Variants in ADORA1 observed in about 807,000 individuals in gnomAD.
ADORA1 encodes the protein adenosine receptor A1.
In ADORA1, 6 loss-of-function variants were observed where a neutral mutation model predicts 19.9. The ratio of observed to expected loss-of-function variants is 0.30; its 90% confidence interval spans 0.17 to 0.59. The LOEUF (loss-of-function observed/expected upper bound fraction) is 0.59. ADORA1 is among the 20% of genes least tolerant of loss of function. ADORA1 has a pLI of 0.87. For synonymous variants in ADORA1, 194 were observed against 188.4 expected, an observed-to-expected ratio of 1.03 and a Z score of -0.24; for missense variants, 302 against 439.2, an observed-to-expected ratio of 0.69 and a Z score of 2.79.
intron 3 of ADORA1, among the ~76,000 whole-genome samples, chr1:203,156,386 G>A (rs923176434): frequency 3.9e-5 from 6 of 152,226 alleles, no homozygotes; most frequent in Admixed American, 2.6e-4. Context: ...CTGAATGAAC[G>A]GAGAATGAAC....
At chr1:203,143,210 G>A (rs569326049) in intron 3 of ADORA1, among the ~76,000 whole-genome samples, 3 of 152,306 alleles carry the variant, frequency 2.0e-5, no homozygotes, top group South Asian at 4.1e-4. Flanking sequence ...CAGTGCTGGG[G>A]TCTGATGAGG....
chr1:203,139,688 C>T (rs1654617810), intron 3 of ADORA1, among the ~76,000 whole-genome samples: 1 of 152,206 alleles, frequency 6.6e-6, no homozygotes, highest in African/African-American at 2.4e-5. Context: ...GACCTTACCA[C>T]GGGCAAGAAG....
chr1:203,141,093 A>G (rs550257099), intron 3 of ADORA1, among the ~76,000 whole-genome samples: 13 of 152,148 alleles, frequency 8.5e-5, no homozygotes, highest in African/African-American at 2.9e-4. Context: ...AACCTGGTCA[A>G]TCAATAAGCA....
At chr1:203,140,604 C>T (rs1056814946) in intron 3 of ADORA1, among the ~76,000 whole-genome samples, 1 of 152,330 alleles carries the variant, frequency 6.6e-6, no homozygotes, top group Admixed American at 6.5e-5. Context: ...TTACCTCACA[C>T]AGCCTCATAG....
intron 3 of ADORA1, chr1:203,150,524 G>A: frequency 9.3e-7 from 1 of 1,079,346 alleles, no homozygotes; most frequent in Non-Finnish European, 1.2e-6. Flanking sequence ...GAAAACTGCT[G>A]GGTCCTGGGG....
Position 203,165,928 on chromosome 1 carries a change from C to A in ADORA1, c.*28C>A, listed in dbSNP as rs763787447. The A allele has an allele frequency of 6.5e-7, 1 of 1,527,452 alleles. No individual in the cohort carries two copies. Among genetic ancestry groups the A allele is most frequent in the East Asian group, 2.3e-5 (1 of 44,050 alleles). 94.6% of individuals were successfully genotyped at this position (1,527,452 alleles called of 1,614,324 possible). A position where few individuals can be genotyped will look rare whatever the true frequency, so the allele number is the denominator to read the frequency against. On this transcript the variant is annotated 3_prime_UTR_variant, in exon 4 of 4. Transcript: ENST00000337894. This position sits in a 1 kb window ranked among gnomAD's most constrained non-coding sequence, Gnocchi z 5.9. ...CCCGCCTTCCGCTCCCACCAGCCCA[C>A]ATCCAGTGGGGTCTCAGTCCAGTCC...
intron 3 of ADORA1, among the ~76,000 whole-genome samples, chr1:203,144,037 C>T (rs993632290): frequency 8.2e-4 from 123 of 149,120 alleles, no homozygotes; most frequent in African/African-American, 2.5e-3. Context: ...CTAGGAGTTA[C>T]GGAAAATGAT....
rs116126717 is a variant in ADORA1, at chr1:203,159,878, G to A, written c.342-5383G>A. On this transcript the variant is annotated intron_variant, in intron 3 of 3. Transcript: ENST00000337894. Reference sequence around the variant, plus strand: ...CTAGGCAGCACATGCATGTGAACAGGTCATTCTGATGGCTCAGAAAGAGCT... The same window carrying A: ...CTAGGCAGCACATGCATGTGAACAGATCATTCTGATGGCTCAGAAAGAGCT... Among the ~76,000 whole-genome samples the A allele has an allele frequency of 7.0e-3, 1,060 of 152,338 alleles. 9 individuals carry two copies. Among genetic ancestry groups the A allele is most frequent in the African/African-American group, 0.024 (1,011 of 41,564 alleles).
At chr1:203,138,514 AGT>A (rs1654580689) in intron 3 of ADORA1, among the ~76,000 whole-genome samples, 1 of 152,210 alleles carries the variant, frequency 6.6e-6, no homozygotes, top group Non-Finnish European at 1.5e-5. Context: ...ACTCAGACCC[AGT>A]GTGGTACCTG....
At chr1:203,132,524 C>A (rs1571780883) in intron 3 of ADORA1, among the ~76,000 whole-genome samples, 1 of 152,202 alleles carries the variant, frequency 6.6e-6, no homozygotes. Flanking sequence ...CTCTCTGAGC[C>A]TTTCCCCTTC....
chr1:203,141,299 G>A (rs1051425069), intron 3 of ADORA1, among the ~76,000 whole-genome samples: 8 of 152,214 alleles, frequency 5.3e-5, no homozygotes, highest in African/African-American at 1.9e-4. Flanking sequence ...CAGTTGGCAG[G>A]GTTGGTGTGG....
chr1:203,142,558 C>T (rs949619992), intron 3 of ADORA1, among the ~76,000 whole-genome samples: 3 of 152,152 alleles, frequency 2.0e-5, no homozygotes, highest in African/African-American at 7.2e-5. Context: ...TAAAACATCC[C>T]TAAGAGTTTA....
intron 3 of ADORA1, among the ~76,000 whole-genome samples, chr1:203,159,019 G>A (rs1317752691): frequency 1.3e-5 from 2 of 152,126 alleles, no homozygotes; most frequent in Non-Finnish European, 2.9e-5. Flanking sequence ...GTTGCATTGG[G>A]GATTAAGTTT....
chr1:203,143,233 C>T (rs374683134), intron 3 of ADORA1, among the ~76,000 whole-genome samples: 2 of 152,160 alleles, frequency 1.3e-5, no homozygotes, highest in Non-Finnish European at 1.5e-5. Flanking sequence ...CTCCTTGCTG[C>T]GTCACAGTGG....
At chr1:203,132,859 T>A (rs1469954575) in intron 3 of ADORA1, among the ~76,000 whole-genome samples, 1 of 151,746 alleles carries the variant, frequency 6.6e-6, no homozygotes, top group Non-Finnish European at 1.5e-5. Context: ...TATAAATAAA[T>A]AAATAAAAAG....
intron 3 of ADORA1, among the ~76,000 whole-genome samples, chr1:203,162,445 C>A (rs1655401824): frequency 1.3e-5 from 2 of 152,052 alleles, no homozygotes. Context: ...CTGTCTAGGG[C>A]TATCACTGTC....
chr1:203,139,669 G>A (rs1296648827), intron 3 of ADORA1, among the ~76,000 whole-genome samples: 2 of 152,218 alleles, frequency 1.3e-5, no homozygotes, highest in African/African-American at 4.8e-5. Flanking sequence ...GATTCATGAT[G>A]AGATTAAGGA....
At chr1:203,149,430 G>T (rs146614740) in intron 3 of ADORA1, among the ~76,000 whole-genome samples, 80 of 152,272 alleles carry the variant, frequency 5.3e-4, no homozygotes, top group Middle Eastern at 3.4e-3. Flanking sequence ...ACTGCCAGCA[G>T]CTAACATGCT....
In ADORA1 at chr1:203,165,706, TG is replaced by T; in HGVS notation, c.788del (p.Cys263SerfsTer21). 6.2e-7 allele frequency: 1 copy of T among 1,611,846 alleles called. No homozygotes were observed. The highest frequency in any genetic ancestry group is 1.1e-5 in the South Asian group (1 of 90,726). On this transcript the variant is annotated frameshift_variant, in exon 4 of 4. Transcript: ENST00000337894. LOFTEE classifies it high-confidence loss of function. This position sits in a 1 kb window ranked among gnomAD's most constrained non-coding sequence, Gnocchi z 5.9. Reference protein sequence around the residue: ...LNCITLFCPSCHKPSILTYIA... With the variant: ...LNCITLFCPSXHKPSILTYIA... Reference sequence around the variant, plus strand: ...CTGCATCACCCTCTTCTGCCCGTCCTGCCACAAGCCCAGCATCCTTACCTAC... The same window carrying T: ...CTGCATCACCCTCTTCTGCCCGTCCTCCACAAGCCCAGCATCCTTACCTAC...
Sources: allele counts gnomAD v4.1 joint callset (sites outside exome capture counted in the v4.1 genomes callset), GRCh38; gene constraint gnomAD v4.1.1; non-coding constraint Gnocchi (gnomAD v3.1); transcripts MANE v1.5; gene names NCBI Gene and HGNC (gene_info 2026-07-23, HGNC 2026-07-21).